Variants in EXT1 observed in about 807,000 individuals in gnomAD.
The protein encoded by EXT1 is exostosin-1.
In EXT1, 20 loss-of-function variants were observed where a neutral mutation model predicts 82.5. The observed-to-expected ratio is 0.24, with a 90% CI of 0.17 to 0.35. EXT1 has a LOEUF of 0.35. EXT1 is among the 10% of genes least tolerant of loss of function. The pLI, the probability that EXT1 is intolerant of heterozygous loss-of-function variation, is 1.00. For synonymous variants in EXT1, 348 were observed against 350.8 expected, an observed-to-expected ratio of 0.99 and a Z score of 0.09; for missense variants, 757 against 936.5, an observed-to-expected ratio of 0.81 and a Z score of 2.50.
At chr8:117,858,031 T>G (rs1483552583) in intron 1 of EXT1, among the ~76,000 whole-genome samples, 1 of 152,212 alleles carries the variant, frequency 6.6e-6, no homozygotes, top group Non-Finnish European at 1.5e-5. Context: ...AGCCTGAAGA[T>G]GTGACTGAAT....
chr8:118,096,069 T>C (rs1817605313), intron 1 of EXT1, among the ~76,000 whole-genome samples: 1 of 152,212 alleles, frequency 6.6e-6, no homozygotes, highest in South Asian at 2.1e-4. Flanking sequence ...AATGCTTCAA[T>C]ATCAGTTAGC....
chr8:117,997,526 G>A (rs1350585230), intron 1 of EXT1, among the ~76,000 whole-genome samples: 3 of 151,632 alleles, frequency 2.0e-5, no homozygotes, highest in Admixed American at 2.0e-4. Flanking sequence ...TGTCTCTAAG[G>A]GGCCAGATTT....
At chr8:117,957,251 AT>A (rs1270665341) in intron 1 of EXT1, among the ~76,000 whole-genome samples, 1 of 152,226 alleles carries the variant, frequency 6.6e-6, no homozygotes, top group Non-Finnish European at 1.5e-5. Flanking sequence ...TATTGCTGAT[AT>A]TTTTGGAAGA....
intron 1 of EXT1, among the ~76,000 whole-genome samples, chr8:117,982,791 T>TA (rs1485228947): frequency 1.3e-5 from 2 of 152,124 alleles, no homozygotes; most frequent in African/African-American, 4.8e-5. Flanking sequence ...CATGCCTGGC[T>TA]AGGGCTTTAA....
intron 1 of EXT1, among the ~76,000 whole-genome samples, chr8:118,062,046 C>T (rs879578832): frequency 6.6e-6 from 1 of 152,050 alleles, no homozygotes; most frequent in Non-Finnish European, 1.5e-5. Context: ...TGCAATGGTA[C>T]AGCTTCATTA....
intron 1 of EXT1, among the ~76,000 whole-genome samples, chr8:118,001,217 C>T (rs1015514831): frequency 2.0e-5 from 3 of 152,108 alleles, no homozygotes; most frequent in Non-Finnish European, 4.4e-5. Flanking sequence ...GAGACGGTCT[C>T]GCTCTGTCGC....
At chr8:118,088,208 A>G (rs1183894725) in intron 1 of EXT1, among the ~76,000 whole-genome samples, 1 of 152,214 alleles carries the variant, frequency 6.6e-6, no homozygotes, top group Non-Finnish European at 1.5e-5. Context: ...ACTAAAGCCA[A>G]TGTCCATGGA....
In EXT1 at chr8:118,110,941, G is replaced by A. The variant is rs770352704; in HGVS notation, c.106C>T (p.Arg36Trp). ...LQFRASRSHS[R>W]REEHSGRNGL... ...TTCCTACCGCTGTGTTCTTCTCTCC[G>A]GCTGTGGCTCCTCGATGCCCTAAAC... Residue 36 changes from arginine to tryptophan, a missense_variant, in exon 1 of 11, where the codon CGG (arginine) becomes TGG (tryptophan). By Grantham distance (101) the Arg-to-Trp change is moderately radical (BLOSUM62 -3). Transcript: ENST00000378204. The A allele has an allele frequency of 3.7e-6, 6 of 1,613,512 alleles. No individual in the cohort carries two copies. Among genetic ancestry groups the A allele is most frequent in the East Asian group, 2.2e-5 (1 of 44,882 alleles).
intron 1 of EXT1, among the ~76,000 whole-genome samples, chr8:117,874,991 C>A (rs1333467352): frequency 6.6e-6 from 1 of 152,122 alleles, no homozygotes; most frequent in Non-Finnish European, 1.5e-5. Flanking sequence ...CTTGAAGGAA[C>A]AAAGTATTGT....
At chr8:117,810,674 G>A (rs954139615) in intron 8 of EXT1, among the ~76,000 whole-genome samples, 5 of 152,176 alleles carry the variant, frequency 3.3e-5, no homozygotes, top group African/African-American at 9.7e-5. Context: ...GGTACATGCT[G>A]TAGTTGTCTT....
At chr8:118,109,421 TAATA>T (rs1413893942) in intron 1 of EXT1, among the ~76,000 whole-genome samples, 3 of 128,444 alleles carry the variant, frequency 2.3e-5, no homozygotes, top group Non-Finnish European at 5.1e-5. Context: ...ATGAATGAAT[TAATA>T]AATGAATGAA....
At chr8:118,024,021 T>C (rs528117051) in intron 1 of EXT1, among the ~76,000 whole-genome samples, 7 of 152,348 alleles carry the variant, frequency 4.6e-5, no homozygotes, top group African/African-American at 1.4e-4. Context: ...AGAGTGGACA[T>C]TGCTCACTTT....
chr8:117,930,872 C>T (rs2129648540), intron 1 of EXT1, among the ~76,000 whole-genome samples: 1 of 152,302 alleles, frequency 6.6e-6, no homozygotes, highest in East Asian at 1.9e-4. Context: ...CCCACCAAAA[C>T]CAAGATGGCA....
At chr8:117,801,669 C>T (rs1159598661) in intron 10 of EXT1, among the ~76,000 whole-genome samples, 5 of 152,100 alleles carry the variant, frequency 3.3e-5, no homozygotes, top group Admixed American at 6.5e-5. Context: ...CCATGCATGG[C>T]TAATTTTTGT....
At chr8:117,920,835 G>C (rs1056934119) in intron 1 of EXT1, among the ~76,000 whole-genome samples, 8 of 152,236 alleles carry the variant, frequency 5.3e-5, no homozygotes, top group Admixed American at 6.5e-5. Context: ...AGCCACAATC[G>C]TGCTGGGATA....
In EXT1 at chr8:118,079,507, A is replaced by G. The variant is rs147784013; in HGVS notation, c.962+30578T>C. Among the ~76,000 whole-genome samples, 1,279 of 152,358 alleles carry G rather than the reference A, an allele frequency of 8.4e-3. 20 individuals are homozygous for G. The highest frequency in any genetic ancestry group is 0.028 in the African/African-American group (1,160 of 41,594). Reference sequence around the variant, plus strand: ...CTTACCCGTAAGGTATTGCAATCCTAAGGCCAGAGTGGCCAGGCATTGTTC... The same window carrying G: ...CTTACCCGTAAGGTATTGCAATCCTGAGGCCAGAGTGGCCAGGCATTGTTC... On this transcript the variant is annotated intron_variant, in intron 1 of 10. Coordinates refer to ENST00000378204, the MANE Select transcript of EXT1 (RefSeq NM_000127.3).
intron 7 of EXT1, among the ~76,000 whole-genome samples, chr8:117,813,376 A>G (rs998517920): frequency 6.6e-6 from 1 of 152,172 alleles, no homozygotes; most frequent in Non-Finnish European, 1.5e-5. Context: ...CCTGATGGGC[A>G]GAAAGAATTC....
intron 1 of EXT1, among the ~76,000 whole-genome samples, chr8:117,855,108 T>C (rs949632100): frequency 2.0e-5 from 3 of 152,228 alleles, no homozygotes; most frequent in African/African-American, 4.8e-5. Flanking sequence ...AAAGCAGTCA[T>C]ATCCTCTCTC....
chr8:118,030,575 G>A (rs1210036002), intron 1 of EXT1, among the ~76,000 whole-genome samples: 1 of 152,250 alleles, frequency 6.6e-6, no homozygotes, highest in South Asian at 2.1e-4. Context: ...ACCACCTCCT[G>A]GGTTCAAGTG....
Sources: gnomAD v4.1 joint callset for allele counts (sites outside exome capture counted in the v4.1 genomes callset) on GRCh38, gnomAD v4.1.1 for gene constraint, MANE v1.5 for transcripts, NCBI Gene and HGNC (gene_info 2026-07-23, HGNC 2026-07-21) for gene names.